The following NCKAP5L variants were observed in gnomAD, a reference collection of about 807,000 sequenced individuals.
NCKAP5L encodes NCK associated protein 5 like.
A neutral mutation model predicts 103.2 loss-of-function variants in NCKAP5L; 54 were observed. The ratio of observed to expected loss-of-function variants is 0.52; its 90% CI spans 0.42 to 0.66. The LOEUF (loss-of-function observed/expected upper bound fraction) is 0.66, where lower values mean the gene tolerates loss of function less well. Among genes scored for constraint, NCKAP5L ranks in the 30% least tolerant of loss-of-function variants. The pLI is 0.00. For synonymous variants in NCKAP5L, 762 were observed against 748.6 expected (o/e 1.02, Z -0.29); for missense variants, 1,733 against 1,750.6 (o/e 0.99, Z 0.18).
At chr12:49,826,446 C>G (rs1946417498) in intron 1 of NCKAP5L, among the ~76,000 whole-genome samples, 1 of 152,164 alleles carries the variant, frequency 6.6e-6, no homozygotes, top group African/African-American at 2.4e-5. Flanking sequence ...GGGACAAGGT[C>G]TACTCTCAGG....
intron 1 of NCKAP5L, among the ~76,000 whole-genome samples, chr12:49,822,790 C>T (rs577330285): frequency 3.3e-5 from 5 of 152,064 alleles, no homozygotes; most frequent in Non-Finnish European, 7.4e-5. Flanking sequence ...TCAAGTGATC[C>T]GCCCACCTTG....
chr12:49,807,267 G>A (rs1483869636), intron 1 of NCKAP5L, among the ~76,000 whole-genome samples: 1 of 152,150 alleles, frequency 6.6e-6, no homozygotes, highest in African/African-American at 2.4e-5. Context: ...GTGTGTGTGT[G>A]TGTGTGTACA....
Position 49,796,699 on chromosome 12 carries a change from C to A in NCKAP5L, c.1161G>T (p.Glu387Asp). The A allele has an allele frequency of 6.3e-7, 1 of 1,597,844 alleles. No individual in the cohort carries two copies. Among genetic ancestry groups the A allele is most frequent in the South Asian group, 1.1e-5 (1 of 89,352 alleles). Reference protein sequence around the residue: ...PKSAWGGGTPEAHRPGFGATS... With the variant: ...PKSAWGGGTPDAHRPGFGATS... ...TAGCACCGAAGCCTGGCCTGTGGGCCTCTGGGGTACCCCCACCCCAAGCTG... is the reference window on the plus strand; with the variant it reads ...TAGCACCGAAGCCTGGCCTGTGGGCATCTGGGGTACCCCCACCCCAAGCTG... The change falls in exon 8 of 13, where the codon GAG (glutamate) becomes GAT (aspartate). Residue 387 changes from glutamate (E) to aspartate (D), a missense_variant. Coordinates refer to ENST00000335999, the MANE Select transcript of NCKAP5L (RefSeq NM_001037806.4).
At chr12:49,826,617 A>G (rs146536783) in intron 1 of NCKAP5L, among the ~76,000 whole-genome samples, 5 of 152,318 alleles carry the variant, frequency 3.3e-5, no homozygotes, top group Non-Finnish European at 7.4e-5. Flanking sequence ...TTCAATGTCA[A>G]AAAGTGGAAG....
In NCKAP5L at chr12:49,792,626, G is replaced by A. The variant is rs937651031; in HGVS notation, c.3650-38C>T. ...AAAGGGAAGGTGGATGGAGCTGCCT[G>A]GGCAGCTCCAGGATGCCCAGGGGCA... On this transcript the variant is annotated intron_variant, in intron 11 of 12. Transcript: ENST00000335999. This position sits in a 1 kb window ranked among gnomAD's most constrained non-coding sequence, Gnocchi z 4.5. 1.2e-6 allele frequency: 2 copies of A among 1,612,042 alleles called. No individual in the cohort carries two copies. Among genetic ancestry groups the A allele is most frequent in the Admixed American group, 3.3e-5 (2 of 59,986 alleles).
In NCKAP5L at chr12:49,793,377, C is replaced by G. The variant is rs758257355; in HGVS notation, c.3315G>C (p.Glu1105Asp). ...EEMPSEDSLAEPVPTSHFTAC... is the reference protein window; with the variant it reads ...EEMPSEDSLADPVPTSHFTAC... Reference sequence around the variant, plus strand: ...CTGTGAAGTGTGAGGTGGGCACTGGCTCGGCCAGGCTGTCCTCCGAGGGCA... The same window carrying G: ...CTGTGAAGTGTGAGGTGGGCACTGGGTCGGCCAGGCTGTCCTCCGAGGGCA... The change falls in exon 10 of 13, where the codon GAG (glutamate) becomes GAC (aspartate). Residue 1105 changes from glutamate to aspartate, a missense_variant. Coordinates refer to ENST00000335999, the MANE Select transcript of NCKAP5L (RefSeq NM_001037806.4). 6 of 1,607,988 alleles carry G rather than the reference C, an allele frequency of 3.7e-6. No individual in the cohort carries two copies. The highest frequency in any genetic ancestry group is 1.3e-5 in the African/African-American group (1 of 74,920).
At position 49,795,960 on chromosome 12, in the gene NCKAP5L, C is replaced by T. The variant is rs771114732; in HGVS notation, c.1900G>A (p.Gly634Ser). ...DKAGSESPHP[G>S]RRTPGNSSKK... ...GATGAGTTGCCTGGGGTCCTGCGGC[C>T]GGGATGGGGAGACTCCGAGCCTGCC... Residue 634 changes from glycine (G) to serine (S), a missense_variant, in exon 8 of 13, where the codon GGC becomes AGC. Coordinates refer to ENST00000335999, the MANE Select transcript of NCKAP5L (RefSeq NM_001037806.4). 1.7e-5 allele frequency: 26 copies of T among 1,532,086 alleles called. No homozygotes were observed. Among genetic ancestry groups the T allele is most frequent in the East Asian group, 6.8e-5 (3 of 44,330 alleles). 94.9% of individuals were successfully genotyped at this position (1,532,086 alleles called of 1,614,324 possible).
rs1386626265 is a variant in NCKAP5L, at chr12:49,796,406, C to T, written c.1454G>A (p.Arg485Gln). 5 of 1,573,684 alleles carry T rather than the reference C, an allele frequency of 3.2e-6. No individual in the cohort carries two copies. The highest frequency in any genetic ancestry group is 4.5e-5 in the East Asian group (2 of 44,312). ...TGAGCCACTGTTCCGACAGGGGATT[C>T]GCGAGTTCCGGGGGAGCTGGGGACT... is the stretch of plus-strand genomic sequence containing the variant. Reference protein sequence around the residue: ...QLSPQLPRNSRIPCRNSGSDG... With the variant: ...QLSPQLPRNSQIPCRNSGSDG... The change falls in exon 8 of 13, where the codon CGA becomes CAA. Residue 485 changes from arginine to glutamine, a missense_variant. Physicochemically the swap from Arg to Gln is conservative, Grantham distance 43 (BLOSUM62 1). Transcript: ENST00000335999.
chr12:49,798,888 G>A (rs1450005645), intron 6 of NCKAP5L, among the ~76,000 whole-genome samples: 1 of 152,152 alleles, frequency 6.6e-6, no homozygotes, highest in African/African-American at 2.4e-5. Context: ...GGTCTTAGAT[G>A]GTCTTAGGAA....
chr12:49,804,239 C>T (rs1946155534), intron 2 of NCKAP5L, 159 bp from the exon 3 acceptor site: 1 of 552,522 alleles, frequency 1.8e-6, no homozygotes, highest in Non-Finnish European at 3.1e-6. Context: ...GCAGACAACA[C>T]AGATACTCTC....
At chr12:49,809,859 T>G (rs1946220689) in intron 1 of NCKAP5L, among the ~76,000 whole-genome samples, 1 of 152,030 alleles carries the variant, frequency 6.6e-6, no homozygotes, top group African/African-American at 2.4e-5. Flanking sequence ...CAGACAAGAA[T>G]TTCCTTCCCT....
chr12:49,827,036 T>TG (rs1296725098), intron 1 of NCKAP5L, among the ~76,000 whole-genome samples: 1 of 152,142 alleles, frequency 6.6e-6, no homozygotes, highest in Non-Finnish European at 1.5e-5. Context: ...TTTAGGAAGA[T>TG]GGGGGGACCA....
At position 49,794,815 on chromosome 12, in the gene NCKAP5L, C is replaced by T. The variant is rs374093799; in HGVS notation, c.3045G>A (p.Leu1015=). ...NTGLGQVQGQ[L]AGMYQGADTF... ...TGTCTGCACCTTGGTACATGCCAGC[C>T]AGCTGGCCCTGCACCTGCCCCAGCC... Residue 1015 remains leucine, a synonymous_variant, in exon 8 of 13, where the codon CTG becomes CTA. Coordinates refer to ENST00000335999, the MANE Select transcript of NCKAP5L (RefSeq NM_001037806.4). The T allele has an allele frequency of 5.1e-5, 79 of 1,544,870 alleles. No homozygotes were observed. The highest frequency in any genetic ancestry group is 6.5e-5 in the Non-Finnish European group (74 of 1,145,514).
chr12:49,827,702 C>T (rs1257105009), intron 1 of NCKAP5L, among the ~76,000 whole-genome samples: 1 of 152,248 alleles, frequency 6.6e-6, no homozygotes, highest in African/African-American at 2.4e-5. Context: ...TTCTCTTCAG[C>T]GTGCAGCCCA....
chr12:49,792,760 A>G lies in NCKAP5L; in HGVS notation c.3567T>C (p.Ser1189=). 17 of 1,607,376 alleles carry G rather than the reference A, an allele frequency of 1.1e-5. No individual in the cohort carries two copies. Among genetic ancestry groups the G allele is most frequent in the Non-Finnish European group, 1.4e-5 (17 of 1,178,392 alleles). ...EVPGIEELLV[S]GRHPSMPAFP... ...AGGCTGGCATGCTGGGGTGCCGCCC[A>G]CTCACCAGCAGCTCCTCTATGCCTG... The change falls in exon 11 of 13, where the codon AGT becomes AGC. Residue 1189 remains serine, a synonymous_variant. Coordinates refer to ENST00000335999, the MANE Select transcript of NCKAP5L (RefSeq NM_001037806.4). This position sits in a 1 kb window ranked among gnomAD's most constrained non-coding sequence, Gnocchi z 4.5.
At chr12:49,812,624 T>C (rs1455193371) in intron 1 of NCKAP5L, among the ~76,000 whole-genome samples, 2 of 152,134 alleles carry the variant, frequency 1.3e-5, no homozygotes, top group Non-Finnish European at 1.5e-5. Context: ...CCTCAGGTGA[T>C]CTTCCTTGGC....
chr12:49,808,005 T>C (rs1335932366), intron 1 of NCKAP5L, among the ~76,000 whole-genome samples: 1 of 152,172 alleles, frequency 6.6e-6, no homozygotes, highest in African/African-American at 2.4e-5. Flanking sequence ...AACGAAACAA[T>C]GTAGAGTATC....
Position 49,820,420 on chromosome 12 carries a change from GA to G in NCKAP5L, c.-99+7901del, listed in dbSNP as rs566774717. ...CAACCTCCATCTCCCGGGTTCAAGC[GA>G]TTCTCCTGCCTCAGCCTCCCGAGTA... is the stretch of plus-strand genomic sequence containing the variant. On this transcript the variant is annotated intron_variant, in intron 1 of 12. Coordinates refer to ENST00000335999, the MANE Select transcript of NCKAP5L (RefSeq NM_001037806.4). Among the ~76,000 whole-genome samples, 55 of 150,654 alleles carry G rather than the reference GA, an allele frequency of 3.7e-4. 1 individual carries two copies. The East Asian group carries it at 5.6e-3, about 15-fold the overall frequency.
chr12:49,820,126 C>T (rs1392978351), intron 1 of NCKAP5L, among the ~76,000 whole-genome samples: 2 of 152,150 alleles, frequency 1.3e-5, no homozygotes, highest in African/African-American at 4.8e-5. Context: ...CTGGGCCCCA[C>T]AGGAGGAACC....
Sources: allele counts gnomAD v4.1 joint callset (sites outside exome capture counted in the v4.1 genomes callset), GRCh38; gene constraint gnomAD v4.1.1; non-coding constraint Gnocchi (gnomAD v3.1); transcripts MANE v1.5; gene names NCBI Gene and HGNC (gene_info 2026-07-23, HGNC 2026-07-21).